The following CCDC163 variants were observed in gnomAD, a reference collection of about 807,000 sequenced individuals.
CCDC163 encodes the protein transmembrane protein CCDC163.
In CCDC163, 13 loss-of-function variants were observed where a neutral mutation model predicts 8.2. That is an observed-to-expected ratio of 1.59 (90% CI 1.04 to 2.54). CCDC163 has a LOEUF of 2.54. Among genes scored for constraint, CCDC163 ranks in the 30% most tolerant of loss-of-function variants. The probability of loss-of-function intolerance (pLI) is 0.00; values close to 1 mark genes in which losing one functional copy is unlikely to be tolerated. For synonymous variants in CCDC163, 41 were observed against 30.9 expected (o/e 1.33, Z -1.08); for missense variants, 117 against 78.6 (o/e 1.49, Z -1.85).
At chr1:45,498,114 G>A (rs1643408724) in intron 2 of CCDC163, among the ~76,000 whole-genome samples, 1 of 151,570 alleles carries the variant, frequency 6.6e-6, no homozygotes, top group Non-Finnish European at 1.5e-5. Context: ...CATGTGCTGT[G>A]TCCACTCAGA....
intron 2 of CCDC163, among the ~76,000 whole-genome samples, chr1:45,497,652 G>A (rs1293496404): frequency 6.0e-4 from 55 of 91,440 alleles, no homozygotes; most frequent in African/African-American, 8.0e-4. Flanking sequence ...CCGCCACCCC[G>A]TCTGGGAAGT....
rs1235494504 is a variant in CCDC163 at position 45,499,630 on chromosome 1, C to T, written c.-21G>A. 1.3e-6 allele frequency: 1 copy of T among 750,984 alleles called. No individual in the cohort carries two copies. Among genetic ancestry groups the T allele is most frequent in the Admixed American group, 1.9e-5 (1 of 53,812 alleles). The allele number at this position is 750,984 out of a possible 1,614,324, so 46.5% of individuals were successfully genotyped here. A position where few individuals can be genotyped will look rare whatever the true frequency, so the allele number is the denominator to read the frequency against. On this transcript the variant is annotated 5_prime_UTR_variant, in exon 1 of 5. Transcript: ENST00000629482. ...TTCATATCCTGTGGCAGGGGAGCGG[C>T]AGGGGTCTGGCTCCCTGGTGTCTTG...
rs541006838 is a variant in CCDC163, at chr1:45,498,091, G to A, written c.178-708C>T. 1.9e-3 allele frequency among the ~76,000 whole-genome samples: 295 copies of A among 151,334 alleles called. 1 individual carries two copies. Among genetic ancestry groups the A allele is most frequent in the African/African-American group, 6.8e-3 (281 of 41,268 alleles). On this transcript the variant is annotated intron_variant, in intron 2 of 4. Coordinates refer to ENST00000629482, the MANE Select transcript of CCDC163 (RefSeq NM_001102601.3). ...GATCTGTGACCTTACCCCCAACCCT[G>A]TGCTCTCTGAAACATGTGCTGTGTC...
intron 4 of CCDC163, 127 bp downstream of exon 4, chr1:45,496,429 A>C (rs1414525215): frequency 2.8e-6 from 2 of 703,680 alleles, no homozygotes; most frequent in African/African-American, 3.5e-5. Flanking sequence ...GAGTCAGCAC[A>C]GGGAAGAGAG....
intron 2 of CCDC163, among the ~76,000 whole-genome samples, chr1:45,497,625 C>G (rs796173596): frequency 0.014 from 764 of 56,032 alleles, no homozygotes; most frequent in African/African-American, 0.018. Context: ...AGTGCCGAGA[C>G]TGCAGCCTCT....
chr1:45,499,493 C>T (rs1208914309), intron 1 of CCDC163, 39 bp downstream of exon 1: 3 of 777,014 alleles, frequency 3.9e-6, no homozygotes, highest in Non-Finnish European at 4.8e-6. Flanking sequence ...AGTCCCTTAG[C>T]CTCCCCACGC....
At chr1:45,496,211 A>T in intron 4 of CCDC163, 1 of 388,466 alleles carries the variant, frequency 2.6e-6, no homozygotes, top group South Asian at 2.1e-5. Flanking sequence ...CTGTCCTGGT[A>T]GCCTCCAGGG....
intron 4 of CCDC163, chr1:45,495,444 C>T: frequency 1.4e-6 from 1 of 702,826 alleles, no homozygotes; most frequent in East Asian, 2.7e-5. Flanking sequence ...TTCCCAGCTA[C>T]TGTTACTGTC....
At chr1:45,495,540 G>C in intron 4 of CCDC163, 1 of 702,744 alleles carries the variant, frequency 1.4e-6, no homozygotes, top group Non-Finnish European at 2.6e-6. Context: ...AACATGAATG[G>C]AGATCCTGGA....
At chr1:45,495,390 A>G (rs1654021814) in intron 4 of CCDC163, 2 of 702,926 alleles carry the variant, frequency 2.8e-6, no homozygotes, top group South Asian at 1.5e-5. Context: ...GCCTCCCCCA[A>G]AACGGGAATC....
chr1:45,496,664 T>G, intron 3 of CCDC163, 41 bp from the exon 4 acceptor site: 1 of 752,896 alleles, frequency 1.3e-6, no homozygotes, highest in African/African-American at 1.7e-5. Context: ...TTCCCCAACT[T>G]CTTTCCTTCT....
At chr1:45,497,461 TC>T (rs375171236) in intron 2 of CCDC163, 78 bp from the exon 3 acceptor site, 151 of 693,802 alleles carry the variant, frequency 2.2e-4, no homozygotes, top group Non-Finnish European at 3.5e-4. Flanking sequence ...GAGAGGATGA[TC>T]CCCAACTTGT....
At chr1:45,495,859 T>C (rs1042920569) in intron 4 of CCDC163, among the ~76,000 whole-genome samples, 2 of 152,098 alleles carry the variant, frequency 1.3e-5, no homozygotes, top group African/African-American at 4.8e-5. Context: ...GGTTTCACCA[T>C]GTTAGCCAGG....
In CCDC163 at chr1:45,499,708, C is replaced by G. The variant is rs543819205; in HGVS notation, c.-99G>C. ...AAGGTATCCCCAGGAAAGGCCACCA[C>G]GTTAGATGGAAAGAGGGAAGTGGGG... On this transcript the variant is annotated 5_prime_UTR_variant, in exon 1 of 5. Coordinates refer to ENST00000629482, the MANE Select transcript of CCDC163 (RefSeq NM_001102601.3). 3.0e-6 allele frequency: 2 copies of G among 677,096 alleles called. No homozygotes were observed. The highest frequency in any genetic ancestry group is 5.4e-5 in the East Asian group (2 of 37,000). 41.9% of individuals were successfully genotyped at this position (677,096 alleles called of 1,614,324 possible).
chr1:45,498,762 C>T (rs991902726), intron 2 of CCDC163: 1 of 162,650 alleles, frequency 6.1e-6, no homozygotes, highest in Non-Finnish European at 1.4e-5. Flanking sequence ...TGTGTGCATA[C>T]ATATGAAGCT....
At chr1:45,498,606 T>G (rs1408823450) in intron 2 of CCDC163, 2 of 152,826 alleles carry the variant, frequency 1.3e-5, no homozygotes, top group Non-Finnish European at 2.9e-5. Context: ...AGAAAAGCAC[T>G]CCCCTTTGGG....
At chr1:45,498,189 C>T (rs995569244) in intron 2 of CCDC163, among the ~76,000 whole-genome samples, 16 of 151,992 alleles carry the variant, frequency 1.1e-4, no homozygotes, top group African/African-American at 3.6e-4. Context: ...GCAGTATGCT[C>T]ATTAAGAGTC....
At position 45,498,425 on chromosome 1, in the gene CCDC163, G is replaced by A. The variant is rs182069442; in HGVS notation, c.177+920C>T. ...AAAAAAAAAAAAAAAAGAAGGCAAG[G>A]TCTTGACTATCCCTTACTCAGTCTG... On this transcript the variant is annotated intron_variant, in intron 2 of 4. Transcript: ENST00000629482. 7.3e-4 allele frequency: 110 copies of A among 151,150 alleles called. 2 individuals are homozygous for A. In the East Asian group the frequency reaches 0.02, roughly 28 times the overall value. 9.4% of individuals were successfully genotyped at this position (151,150 alleles called of 1,614,324 possible).
At chr1:45,496,759 G>A in intron 3 of CCDC163, 136 bp from the exon 4 acceptor site, 1 of 631,260 alleles carries the variant, frequency 1.6e-6, no homozygotes, top group Non-Finnish European at 2.8e-6. Context: ...CAAGCTGACT[G>A]AAGAGATTAA....
Sources: gnomAD v4.1 joint callset for allele counts (sites outside exome capture counted in the v4.1 genomes callset) on GRCh38, gnomAD v4.1.1 for gene constraint, MANE v1.5 for transcripts, NCBI Gene and HGNC (gene_info 2026-07-23, HGNC 2026-07-21) for gene names.